PHACTR3: variants seen among roughly 807,000 people sequenced by gnomAD.
PHACTR3 encodes the protein phosphatase and actin regulator 3, also known as protein phosphatase 1, regulatory subunit 123.
PHACTR3 carries 16 observed loss-of-function variants against 66.8 expected under a neutral mutation model. That is an observed-to-expected ratio of 0.24 (90% confidence interval 0.16 to 0.36). PHACTR3 has a LOEUF of 0.36. Ranked by LOEUF, PHACTR3 falls within the 10% of genes least tolerant of loss-of-function variation. PHACTR3 has a pLI of 1.00. For synonymous variants in PHACTR3, 323 were observed against 292.1 expected (o/e 1.11, Z -1.08); for missense variants, 647 against 719.9 (o/e 0.90, Z 1.16).
At chr20:59,680,400 G>A (rs1392417425) in intron 1 of PHACTR3, among the ~76,000 whole-genome samples, 6 of 152,126 alleles carry the variant, frequency 3.9e-5, no homozygotes, top group Non-Finnish European at 7.3e-5. Context: ...ACGGTCCAGT[G>A]GTGGCAGGCT....
At chr20:59,813,027 G>A (rs76366147) in intron 8 of PHACTR3, among the ~76,000 whole-genome samples, 1,862 of 152,296 alleles carry the variant, frequency 0.012, 44 homozygotes, top group African/African-American at 0.042. Flanking sequence ...GGACAGGGCC[G>A]GGAAGCTGAT....
At chr20:59,759,736 C>T (rs2039932084) in intron 4 of PHACTR3, among the ~76,000 whole-genome samples, 1 of 152,226 alleles carries the variant, frequency 6.6e-6, no homozygotes, top group Admixed American at 6.5e-5. Flanking sequence ...CCACATTCTG[C>T]ACCTCAGCAC....
intron 1 of PHACTR3, among the ~76,000 whole-genome samples, chr20:59,631,659 A>T (rs1055933375): frequency 6.6e-6 from 1 of 152,224 alleles, no homozygotes; most frequent in Non-Finnish European, 1.5e-5. Flanking sequence ...TATTAACACC[A>T]GTATTTCCCA....
rs972115271 is a variant in PHACTR3, at chr20:59,738,227, G to T, written c.119-4880G>T. Reference sequence around the variant, plus strand: ...TGTTAGTAAGTGGCAGGGCCAGGAGGGGAGCCTGGGGTGCCTGGTCCCAGC... The same window carrying T: ...TGTTAGTAAGTGGCAGGGCCAGGAGTGGAGCCTGGGGTGCCTGGTCCCAGC... On this transcript the variant is annotated intron_variant, in intron 1 of 12. Transcript: ENST00000371015. The surrounding 1 kb of genome is among the most constrained non-coding windows in gnomAD (Gnocchi z 4.4). 1.3e-5 allele frequency among the ~76,000 whole-genome samples: 2 copies of T among 152,076 alleles called. No homozygotes were observed. Among genetic ancestry groups the T allele is most frequent in the African/African-American group, 4.8e-5 (2 of 41,432 alleles).
intron 8 of PHACTR3, among the ~76,000 whole-genome samples, chr20:59,826,594 C>A (rs1417356399): frequency 6.6e-6 from 1 of 151,956 alleles, no homozygotes; most frequent in East Asian, 1.9e-4. Flanking sequence ...CACACCTGCT[C>A]TCTCTGTACA....
At chr20:59,591,006 T>C (rs779792921) in intron 1 of PHACTR3, among the ~76,000 whole-genome samples, 2 of 152,240 alleles carry the variant, frequency 1.3e-5, no homozygotes, top group Non-Finnish European at 2.9e-5. Context: ...TGAACTAAAA[T>C]GAGATGAAAT....
rs764431273 is a variant in PHACTR3 at position 59,755,336 on chromosome 20, G to C, written c.513G>C (p.Leu171=). 2 of 1,613,668 alleles carry C rather than the reference G, an allele frequency of 1.2e-6. No homozygotes were observed. Among genetic ancestry groups the C allele is most frequent in the Admixed American group, 3.3e-5 (2 of 60,018 alleles). ...ACCAGGTCTCCCTGGACAAGCCACT[G>C]TCCTCAGCTGCCCACTTGGACGATG... The part of the protein sequence containing the change: ...GTDQVSLDKP[L]SSAAHLDDAA... Residue 171 remains leucine, a synonymous_variant, in exon 4 of 13, where the codon CTG becomes CTC. Transcript: ENST00000371015.
At chr20:59,765,825 C>T (rs1023347024) in intron 4 of PHACTR3, among the ~76,000 whole-genome samples, 18 of 152,206 alleles carry the variant, frequency 1.2e-4, no homozygotes, top group Non-Finnish European at 4.4e-5. Context: ...TAGGAGCTAA[C>T]ACAGTGACCC....
intron 1 of PHACTR3, among the ~76,000 whole-genome samples, chr20:59,611,476 T>C (rs1350705763): frequency 6.6e-6 from 1 of 152,258 alleles, no homozygotes; most frequent in Non-Finnish European, 1.5e-5. Context: ...AGAGCAGGAC[T>C]GATCTGGCTA....
At chr20:59,628,919 A>G (rs762323761) in intron 1 of PHACTR3, 87 of 578,048 alleles carry the variant, frequency 1.5e-4, no homozygotes, top group Non-Finnish European at 1.7e-4. Flanking sequence ...GCTTCCCTCA[A>G]TGACAGCATC....
At chr20:59,828,820 G>A (rs966338052) in intron 8 of PHACTR3, among the ~76,000 whole-genome samples, 2 of 152,086 alleles carry the variant, frequency 1.3e-5, no homozygotes, top group Non-Finnish European at 2.9e-5. Flanking sequence ...TGAGCTCATC[G>A]TGGGAGTAGG....
chr20:59,628,535 C>T, intron 1 of PHACTR3: 2 of 764,348 alleles, frequency 2.6e-6, no homozygotes, highest in Non-Finnish European at 3.2e-6. Flanking sequence ...CACGTGCAGG[C>T]ATTTCTGGCT....
intron 2 of PHACTR3, among the ~76,000 whole-genome samples, 195 bp downstream of exon 2, chr20:59,743,463 C>A (rs1332289581): frequency 6.6e-6 from 1 of 152,228 alleles, no homozygotes; most frequent in Non-Finnish European, 1.5e-5. Context: ...CTCCCTGAAG[C>A]CCTGGGGTGG....
chr20:59,779,850 G>A (rs557529177), intron 7 of PHACTR3, among the ~76,000 whole-genome samples: 1 of 152,366 alleles, frequency 6.6e-6, no homozygotes, highest in Non-Finnish European at 1.5e-5. Flanking sequence ...CTGGTCAGCG[G>A]TGGGTGAGCA....
chr20:59,596,100 T>C (rs747894361), intron 1 of PHACTR3, among the ~76,000 whole-genome samples: 14 of 152,190 alleles, frequency 9.2e-5, no homozygotes, highest in Non-Finnish European at 2.1e-4. Context: ...TTCTCTGCAG[T>C]CTAACATCAT....
intron 1 of PHACTR3, among the ~76,000 whole-genome samples, chr20:59,596,038 C>G (rs1325750389): frequency 6.6e-6 from 1 of 152,222 alleles, no homozygotes; most frequent in Non-Finnish European, 1.5e-5. Flanking sequence ...ACCTGGATCC[C>G]AAAGCCGCCT....
chr20:59,811,174 G>C (rs2147016686), intron 8 of PHACTR3, among the ~76,000 whole-genome samples: 1 of 152,334 alleles, frequency 6.6e-6, no homozygotes, highest in Non-Finnish European at 1.5e-5. Flanking sequence ...AGTGAGATAG[G>C]CCATTTGTTA....
intron 1 of PHACTR3, among the ~76,000 whole-genome samples, chr20:59,621,750 G>A (rs1417176972): frequency 6.6e-6 from 1 of 152,178 alleles, no homozygotes; most frequent in Non-Finnish European, 1.5e-5. Context: ...GGTGAGCCAC[G>A]TCCACCACAT....
intron 7 of PHACTR3, among the ~76,000 whole-genome samples, chr20:59,781,106 C>T (rs1047245862): frequency 6.6e-5 from 10 of 152,236 alleles, no homozygotes; most frequent in African/African-American, 1.9e-4. Flanking sequence ...CCTCATTCCT[C>T]GGCCAATTCA....
Sources: allele counts gnomAD v4.1 joint callset (sites outside exome capture counted in the v4.1 genomes callset), GRCh38; gene constraint gnomAD v4.1.1; non-coding constraint Gnocchi (gnomAD v3.1); transcripts MANE v1.5; gene names NCBI Gene and HGNC (gene_info 2026-07-23, HGNC 2026-07-21).